DNAH10: variants seen among roughly 807,000 people sequenced by gnomAD.
DNAH10 encodes the protein axonemal beta dynein heavy chain 10.
Under a neutral mutation model 506.6 loss-of-function variants are expected in DNAH10, and 348 were observed. The ratio of observed to expected loss-of-function variants is 0.69; its 90% CI spans 0.63 to 0.75. The LOEUF is 0.75. Ranked by LOEUF, DNAH10 falls within the 30% of genes least tolerant of loss-of-function variation. DNAH10 has a pLI of 0.00. For missense variants in DNAH10, 5,179 were observed against 5,787.1 expected, an observed-to-expected ratio of 0.89 and a Z score of 3.41; for synonymous variants, 2,059 against 2,198.6, an observed-to-expected ratio of 0.94 and a Z score of 1.78.
rs571743560 is a variant in DNAH10 at position 123,898,795 on chromosome 12, C to T, written c.9621C>T (p.Ile3207=). ...CCTGCGAGGCCTTGCTGGAGGAGAT[C>T]GCCGTCAACACCGCTGTAGGTGAGT... ...SAACEALLEE[I]AVNTAVAEEK... The change falls in exon 56 of 79, where the codon ATC becomes ATT. Residue 3207 remains isoleucine, a synonymous_variant. Coordinates refer to ENST00000673944, the MANE Select transcript of DNAH10 (RefSeq NM_001372106.1). 8.1e-6 allele frequency: 13 copies of T among 1,610,660 alleles called. No homozygotes were observed. Among genetic ancestry groups the T allele is most frequent in the Admixed American group, 5.0e-5 (3 of 59,724 alleles).
At position 123,826,744 on chromosome 12, in the gene DNAH10, C is replaced by T; in HGVS notation, c.4237C>T (p.Gln1413Ter). Residue 1413 changes from glutamine to a stop codon, truncating the protein, a stop_gained, in exon 25 of 79, where the codon CAG (glutamine) becomes TAG (stop). Coordinates refer to ENST00000673944, the MANE Select transcript of DNAH10 (RefSeq NM_001372106.1). LOFTEE classifies it high-confidence loss of function. ...GATCAACCTGAATGTGCAGATTCTC[C>T]AGGAAGGAATTGAAGGTTTTCTCAG... ...LWINLNVQIL[Q>*]EGIEGFLRAL... is the part of the protein sequence containing the mutation. The T allele has an allele frequency of 6.2e-7, 1 of 1,613,852 alleles. No homozygotes were observed. The highest frequency in any genetic ancestry group is 8.5e-7 in the Non-Finnish European group (1 of 1,179,794).
intron 57 of DNAH10, among the ~76,000 whole-genome samples, chr12:123,908,756 G>A (rs1313002150): frequency 6.6e-6 from 1 of 152,106 alleles, no homozygotes; most frequent in African/African-American, 2.4e-5. Flanking sequence ...CCCAGGATGC[G>A]GGGACCCCAG....
chr12:123,820,156 G>A (rs1959242520), intron 23 of DNAH10, among the ~76,000 whole-genome samples: 1 of 152,224 alleles, frequency 6.6e-6, no homozygotes, highest in Non-Finnish European at 1.5e-5. Context: ...TGGCATTTGA[G>A]TAGATGATTG....
intron 24 of DNAH10, among the ~76,000 whole-genome samples, chr12:123,823,182 C>G (rs1254715454): frequency 6.6e-6 from 1 of 152,196 alleles, no homozygotes; most frequent in South Asian, 2.1e-4. Flanking sequence ...ACAAGGCTTT[C>G]CAGGCAGAGC....
chr12:123,810,216 C>T (rs1186124036), intron 19 of DNAH10, among the ~76,000 whole-genome samples: 1 of 152,158 alleles, frequency 6.6e-6, no homozygotes, highest in Non-Finnish European at 1.5e-5. Flanking sequence ...TGTCTTACCC[C>T]AAATTGGAAA....
At chr12:123,856,659 G>A (rs938593881) in intron 36 of DNAH10, among the ~76,000 whole-genome samples, 10 of 148,720 alleles carry the variant, frequency 6.7e-5, no homozygotes, top group African/African-American at 2.5e-4. Flanking sequence ...ATAATATGAA[G>A]TACATATTAT....
chr12:123,934,706 G>T lies in DNAH10; in HGVS notation c.13563G>T (p.Leu4521=), dbSNP rs1955404562. Residue 4521 remains leucine (L), a synonymous_variant, in exon 78 of 79, where the codon CTG becomes CTT. Transcript: ENST00000673944. The stretch of plus-strand genomic sequence containing the variant: ...TTATCAAGAGCAAACCCAAGGTGCT[G>T]GTTGTGGACCTGCCGATCCTGAAGA... ...GCLIKSKPKV[L]VVDLPILKII... is the part of the protein sequence containing the mutation. 2 of 1,613,774 alleles carry T rather than the reference G, an allele frequency of 1.2e-6. No individual in the cohort carries two copies. Among genetic ancestry groups the T allele is most frequent in the African/African-American group, 1.3e-5 (1 of 74,934 alleles).
At chr12:123,832,783 C>G (rs1409889553) in intron 26 of DNAH10, among the ~76,000 whole-genome samples, 1 of 152,116 alleles carries the variant, frequency 6.6e-6, no homozygotes, top group Non-Finnish European at 1.5e-5. Context: ...GGGTTTAGAC[C>G]CTGTTTCTGG....
intron 56 of DNAH10, among the ~76,000 whole-genome samples, chr12:123,899,381 C>T (rs1408429375): frequency 6.6e-6 from 1 of 152,162 alleles, no homozygotes; most frequent in African/African-American, 2.4e-5. Context: ...CCAGTGGCTT[C>T]TGATGTGTAC....
chr12:123,859,502 T>G (rs1951534027), intron 38 of DNAH10, among the ~76,000 whole-genome samples: 1 of 152,222 alleles, frequency 6.6e-6, no homozygotes, highest in Non-Finnish European at 1.5e-5. Flanking sequence ...TAGGTTCATT[T>G]GTGAAATGAG....
At chr12:123,837,413 T>A (rs953684817) in intron 28 of DNAH10, among the ~76,000 whole-genome samples, 22 of 151,244 alleles carry the variant, frequency 1.5e-4, no homozygotes, top group Non-Finnish European at 2.7e-4. Flanking sequence ...CTTTAGAAAT[T>A]ACAAAAAGCC....
chr12:123,818,474 C>T (rs1184978891), intron 21 of DNAH10, among the ~76,000 whole-genome samples: 1 of 152,016 alleles, frequency 6.6e-6, no homozygotes, highest in Non-Finnish European at 1.5e-5. Flanking sequence ...CAGGCTCCTG[C>T]CACCACGCCT....
At chr12:123,884,975 G>A (rs1448227253) in intron 51 of DNAH10, among the ~76,000 whole-genome samples, 1 of 152,086 alleles carries the variant, frequency 6.6e-6, no homozygotes, top group Non-Finnish European at 1.5e-5. Context: ...ACGGAATAAT[G>A]TACACTTTTC....
At chr12:123,799,141 T>C in intron 13 of DNAH10, 105 bp from the exon 14 acceptor site, 1 of 600,498 alleles carries the variant, frequency 1.7e-6, no homozygotes, top group Non-Finnish European at 2.2e-6. Context: ...ATGTTTATAA[T>C]AATTTATATA....
At chr12:123,824,705 G>A (rs542030498) in intron 24 of DNAH10, among the ~76,000 whole-genome samples, 7 of 152,212 alleles carry the variant, frequency 4.6e-5, no homozygotes, top group South Asian at 4.2e-4. Context: ...TGTCCCTGGC[G>A]TTCCGTGGCT....
chr12:123,931,610 T>C, intron 74 of DNAH10, 26 bp from the exon 75 acceptor site: 1 of 1,611,632 alleles, frequency 6.2e-7, no homozygotes, highest in Non-Finnish European at 8.5e-7. Flanking sequence ...ATGCCTTGCT[T>C]TCTCTGAAAA....
In DNAH10 at chr12:123,879,255, A is replaced by G. The variant is rs1053556217; in HGVS notation, c.8373-9A>G. 7 of 1,565,094 alleles carry G rather than the reference A, an allele frequency of 4.5e-6. No individual in the cohort carries two copies. On this transcript the variant is annotated splice_polypyrimidine_tract_variant and intron_variant, in intron 48 of 78. Coordinates refer to ENST00000673944, the MANE Select transcript of DNAH10 (RefSeq NM_001372106.1). ...TTCCTGGCTGATTTTTGTCCCTTCC[A>G]TTCTGCAGATTCCAGACGGTGGCCC...
At chr12:123,825,231 G>GA (rs145010531) in intron 24 of DNAH10, among the ~76,000 whole-genome samples, 16 of 152,026 alleles carry the variant, frequency 1.1e-4, no homozygotes, top group Non-Finnish European at 2.1e-4. Context: ...ACTGCAACAA[G>GA]AAAAAAATCA....
Position 123,866,007 on chromosome 12 carries a change from T to A in DNAH10, c.7101T>A (p.Tyr2367Ter). The change falls in exon 41 of 79, where the codon TAT becomes TAA. Residue 2367 changes from tyrosine (Y) to a stop codon, truncating the protein, a stop_gained. Transcript: ENST00000673944. LOFTEE classifies it high-confidence loss of function. ...CTGTCTCTCGATGTGGAATGGTTTATGTGGATCCTAAAAACTTGAAATATC... is the reference window on the plus strand; with the variant it reads ...CTGTCTCTCGATGTGGAATGGTTTAAGTGGATCCTAAAAACTTGAAATATC... ...PATVSRCGMV[Y>*]VDPKNLKYRP... is the part of the protein sequence containing the mutation. The A allele has an allele frequency of 6.2e-7, 1 of 1,612,756 alleles. No individual in the cohort carries two copies. Among genetic ancestry groups the A allele is most frequent in the Non-Finnish European group, 8.5e-7 (1 of 1,179,610 alleles).
Sources: allele counts gnomAD v4.1 joint callset (sites outside exome capture counted in the v4.1 genomes callset), GRCh38; gene constraint gnomAD v4.1.1; transcripts MANE v1.5; gene names NCBI Gene and HGNC (gene_info 2026-07-23, HGNC 2026-07-21).